EVI5: variants seen among roughly 807,000 people sequenced by gnomAD.
The protein encoded by EVI5 is ecotropic viral integration site 5 protein homolog.
A neutral mutation model predicts 112.0 loss-of-function variants in EVI5; 73 were observed. That is an observed-to-expected ratio of 0.65 (90% CI 0.54 to 0.79). EVI5 has a LOEUF of 0.79. Ranked by LOEUF, EVI5 falls within the 30% of genes least tolerant of loss-of-function variation. The pLI, the probability that EVI5 is intolerant of heterozygous loss-of-function variation, is 0.00. For synonymous variants in EVI5, 305 were observed against 319.9 expected, an observed-to-expected ratio of 0.95 and a Z score of 0.50; for missense variants, 900 against 968.8, an observed-to-expected ratio of 0.93 and a Z score of 0.94.
At chr1:92,588,031 G>A (rs574943292) in intron 18 of EVI5, among the ~76,000 whole-genome samples, 1 of 152,248 alleles carries the variant, frequency 6.6e-6, no homozygotes, top group Admixed American at 6.5e-5. Context: ...ATGGAATTTA[G>A]AGATAGCTCC....
intron 18 of EVI5, among the ~76,000 whole-genome samples, chr1:92,571,612 A>G (rs1670337286): frequency 6.6e-6 from 1 of 152,168 alleles, no homozygotes; most frequent in Admixed American, 6.5e-5. Flanking sequence ...ATACCAAAAG[A>G]CATAGCAATG....
chr1:92,709,647 C>T (rs932842133), intron 2 of EVI5, among the ~76,000 whole-genome samples: 2 of 152,014 alleles, frequency 1.3e-5, no homozygotes, highest in Non-Finnish European at 2.9e-5. Flanking sequence ...GTGAGAGAGT[C>T]GGAACATTTT....
intron 1 of EVI5, among the ~76,000 whole-genome samples, chr1:92,740,540 C>A (rs1678208969): frequency 6.6e-6 from 1 of 152,226 alleles, no homozygotes; most frequent in Non-Finnish European, 1.5e-5. Flanking sequence ...GCCAACCAGA[C>A]ATCTCATGTT....
At position 92,657,050 on chromosome 1, in the gene EVI5, G is replaced by A. The variant is rs528663131; in HGVS notation, c.1392+5669C>T. ...CTCATTCTATGAAGCCGGCATCACC[G>A]TGATACCAGGGAAGGACCCACAAAA... is the stretch of plus-strand genomic sequence containing the variant. On this transcript the variant is annotated intron_variant, in intron 13 of 19. Transcript: ENST00000684568. 9.9e-5 allele frequency among the ~76,000 whole-genome samples: 15 copies of A among 152,046 alleles called. No homozygotes were observed. In the East Asian group the frequency reaches 1.7e-3, roughly 18 times the overall value.
At chr1:92,632,747 T>A (rs561527791) in intron 14 of EVI5, among the ~76,000 whole-genome samples, 1 of 152,188 alleles carries the variant, frequency 6.6e-6, no homozygotes, top group African/African-American at 2.4e-5. Flanking sequence ...GCTTCTCTAG[T>A]TCTTTTAATT....
intron 2 of EVI5, among the ~76,000 whole-genome samples, chr1:92,727,785 G>C (rs1168541113): frequency 6.6e-6 from 1 of 152,040 alleles, no homozygotes; most frequent in South Asian, 2.1e-4. Flanking sequence ...GGAGGCTGAG[G>C]TGAGAGGATT....
intron 19 of EVI5, among the ~76,000 whole-genome samples, chr1:92,559,220 C>T (rs1287662876): frequency 2.6e-5 from 4 of 152,154 alleles, no homozygotes; most frequent in African/African-American, 7.2e-5. Flanking sequence ...AGTACAGATA[C>T]AGATGCAATA....
intron 18 of EVI5, among the ~76,000 whole-genome samples, chr1:92,592,052 G>A (rs1674034795): frequency 6.6e-6 from 1 of 152,062 alleles, no homozygotes; most frequent in Non-Finnish European, 1.5e-5. Flanking sequence ...GACCATCCTG[G>A]CTAACATGGT....
rs111735821 is a variant in EVI5, at chr1:92,644,663, A to C, written c.1393-8327T>G. 6.6e-5 allele frequency among the ~76,000 whole-genome samples: 10 copies of C among 152,306 alleles called. 1 individual carries two copies. The highest frequency in any genetic ancestry group is 2.4e-4 in the African/African-American group (10 of 41,572). The stretch of plus-strand genomic sequence containing the variant: ...TTTCCACTTAATATTATAAGCACTT[A>C]ATACATTTTCCACTAAGCACTGCAT... On this transcript the variant is annotated intron_variant, in intron 13 of 19. Coordinates refer to ENST00000684568, the MANE Select transcript of EVI5 (RefSeq NM_001350197.2).
chr1:92,710,256 T>C lies in EVI5; in HGVS notation c.150-5512A>G, dbSNP rs547255580. The stretch of plus-strand genomic sequence containing the variant: ...CTACTGGGGGGCTTTGGTGGAAGAA[T>C]CGCCTGAGCCCCGGAAGTTGAGACT... On this transcript the variant is annotated intron_variant, in intron 2 of 19. Coordinates refer to ENST00000684568, the MANE Select transcript of EVI5 (RefSeq NM_001350197.2). Among the ~76,000 whole-genome samples the C allele has an allele frequency of 2.0e-3, 301 of 151,812 alleles. 1 individual carries two copies. The highest frequency in any genetic ancestry group is 3.4e-3 in the Non-Finnish European group (232 of 67,940).
At chr1:92,697,295 C>T (rs986733380) in intron 6 of EVI5, among the ~76,000 whole-genome samples, 1 of 151,550 alleles carries the variant, frequency 6.6e-6, no homozygotes, top group African/African-American at 2.4e-5. Context: ...AAAATTAAAT[C>T]CAGAAAGGTA....
intron 19 of EVI5, among the ~76,000 whole-genome samples, chr1:92,557,884 C>A (rs2100832197): frequency 7.1e-6 from 1 of 140,052 alleles, no homozygotes; most frequent in South Asian, 2.7e-4. Context: ...ACCACCACGC[C>A]CAGCCAATTT....
chr1:92,585,545 T>A (rs1571709357), intron 18 of EVI5, among the ~76,000 whole-genome samples: 1 of 152,262 alleles, frequency 6.6e-6, no homozygotes, highest in East Asian at 1.9e-4. Flanking sequence ...ATATTCCTCA[T>A]AAATCATAAT....
At chr1:92,713,855 C>A (rs1372763926) in intron 2 of EVI5, 1 of 196,872 alleles carries the variant, frequency 5.1e-6, no homozygotes, top group African/African-American at 2.4e-5. Context: ...AATATGATTC[C>A]AAATAACAGA....
intron 3 of EVI5, among the ~76,000 whole-genome samples, chr1:92,704,196 C>G (rs561318205): frequency 1.3e-5 from 2 of 152,046 alleles, no homozygotes; most frequent in Non-Finnish European, 2.9e-5. Context: ...CACCTGTAAT[C>G]ATAGCTACTC....
At chr1:92,783,235 G>T (rs1367273250) in intron 1 of EVI5, among the ~76,000 whole-genome samples, 1 of 151,978 alleles carries the variant, frequency 6.6e-6, no homozygotes, top group Non-Finnish European at 1.5e-5. Flanking sequence ...ACAGAAAAAA[G>T]ACCACCTGGG....
chr1:92,542,556 CAATTTACTTTGCCCA>C (rs1664993360), intron 19 of EVI5, among the ~76,000 whole-genome samples: 1 of 152,180 alleles, frequency 6.6e-6, no homozygotes, highest in Non-Finnish European at 1.5e-5. Context: ...CGGAGGATTT[CAATTTACTTTGCCCA>C]AATCCATTAG....
chr1:92,695,354 G>T lies in EVI5; in HGVS notation c.865C>A (p.Pro289Thr). 6.2e-7 allele frequency: 1 copy of T among 1,609,952 alleles called. No homozygotes were observed. Among genetic ancestry groups the T allele is most frequent in the Non-Finnish European group, 8.5e-7 (1 of 1,176,676 alleles). ...AATATCCTTGTTGCAATTGGTAGTG[G>T]AAAAGTTGTAAGAAAGATAGTCAGA... ...WFLTIFLTTF[P>T]LPIATRIFDI... is the part of the protein sequence containing the mutation. Residue 289 changes from proline to threonine, a missense_variant, in exon 7 of 20, where the codon CCA becomes ACA. Coordinates refer to ENST00000684568, the MANE Select transcript of EVI5 (RefSeq NM_001350197.2).
chr1:92,538,609 G>A (rs1168006981), intron 19 of EVI5, among the ~76,000 whole-genome samples: 2 of 152,170 alleles, frequency 1.3e-5, no homozygotes, highest in Non-Finnish European at 2.9e-5. Context: ...CAAGGCTCCT[G>A]CCCTCAGTTA....
Sources: gnomAD v4.1 joint callset for allele counts (sites outside exome capture counted in the v4.1 genomes callset) on GRCh38, gnomAD v4.1.1 for gene constraint, MANE v1.5 for transcripts, NCBI Gene and HGNC (gene_info 2026-07-23, HGNC 2026-07-21) for gene names.